ARHGAP9: variants seen among roughly 807,000 people sequenced by gnomAD.
ARHGAP9 encodes the protein rho GTPase-activating protein 9.
ARHGAP9 carries 76 observed loss-of-function variants against 87.3 expected under a neutral mutation model. That is an observed-to-expected ratio of 0.87 (90% CI 0.72 to 1.05). The LOEUF (loss-of-function observed/expected upper bound fraction) is 1.05. Among genes scored for constraint, ARHGAP9 ranks in the 50% least tolerant of loss-of-function variants. ARHGAP9 has a pLI of 0.00. For synonymous variants in ARHGAP9, 382 were observed against 394.9 expected (o/e 0.97, Z 0.39); for missense variants, 941 against 960.5 (o/e 0.98, Z 0.27).
rs763528071 is a variant in ARHGAP9, at chr12:57,476,853, A to G, written c.963+18T>C. On this transcript the variant is annotated intron_variant, in intron 6 of 17. Transcript: ENST00000393791. ...GGCAGGGAGGATCTTGGCCTTCACA[A>G]AGAAATGGGAGATTCACATGGGGGT... 5.6e-6 allele frequency: 9 copies of G among 1,610,632 alleles called. No individual in the cohort carries two copies. Among genetic ancestry groups the G allele is most frequent in the South Asian group, 2.2e-5 (2 of 90,994 alleles).
Position 57,476,398 on chromosome 12 carries a change from C to G in ARHGAP9, c.1082G>C (p.Arg361Pro). The change falls in exon 8 of 18, where the codon CGA becomes CCA. Residue 361 changes from arginine (R) to proline (P), a missense_variant. Transcript: ENST00000393791. The part of the protein sequence containing the change: ...VLTGNSLVFY[R>P]EPPPTAPSSG... Reference sequence around the variant, plus strand: ...GGAGGGCGCTGTCGGCGGTGGCTCTCGGTAGAACACCAGGCTGTTACCCGT... The same window carrying G: ...GGAGGGCGCTGTCGGCGGTGGCTCTGGGTAGAACACCAGGCTGTTACCCGT... 1 of 1,614,062 alleles carries G rather than the reference C, an allele frequency of 6.2e-7. No individual in the cohort carries two copies.
At chr12:57,482,253 T>C (rs192891880), upstream of ARHGAP9, among the ~76,000 whole-genome samples, 2 of 152,028 alleles carry the variant, frequency 1.3e-5, no homozygotes, top group East Asian at 3.9e-4. Context: ...AATTTTTTTT[T>C]TTTTTGAGTC....
chr12:57,480,055 G>A, upstream of ARHGAP9: 1 of 985,356 alleles, frequency 1.0e-6, no homozygotes, highest in Non-Finnish European at 1.2e-6. Context: ...AAACACAGAG[G>A]GATTCAGAGT....
intron 2 of ARHGAP9, 37 bp from the exon 3 acceptor site, chr12:57,478,794 T>C: frequency 1.3e-6 from 2 of 1,566,286 alleles, no homozygotes; most frequent in Non-Finnish European, 1.7e-6. Flanking sequence ...TGGCAGGTGA[T>C]CAGAGGTGTT....
Position 57,475,406 on chromosome 12 carries a change from A to G in ARHGAP9, c.1445-8T>C. 6.3e-7 allele frequency: 1 copy of G among 1,589,364 alleles called. No individual in the cohort carries two copies. Among genetic ancestry groups the G allele is most frequent in the East Asian group, 2.3e-5 (1 of 44,038 alleles). On this transcript the variant is annotated splice_region_variant and splice_polypyrimidine_tract_variant and intron_variant, in intron 11 of 17. Transcript: ENST00000393791. ...TGCCTTCGGGCCCCCGAACTGCAGG[A>G]GGCAGGTAGAGCGGGGCGTGAGCGC...
intron 1 of ARHGAP9, chr12:57,488,005 C>T: frequency 8.8e-7 from 1 of 1,130,032 alleles, no homozygotes; most frequent in Non-Finnish European, 1.3e-6. Context: ...ATACGGAACT[C>T]CATTTCCCGG....
At chr12:57,476,310 CG>C in intron 8 of ARHGAP9, 53 bp downstream of exon 8, 2 of 1,590,480 alleles carry the variant, frequency 1.3e-6, no homozygotes, top group Non-Finnish European at 1.7e-6. Flanking sequence ...CCCACATTGG[CG>C]TGAGGCGGTA....
chr12:57,481,630 G>A (rs75975041), upstream of ARHGAP9, among the ~76,000 whole-genome samples: 24 of 151,846 alleles, frequency 1.6e-4, no homozygotes, highest in Admixed American at 6.6e-5. Context: ...CCCTCACTCC[G>A]CCACCTTTTC....
chr12:57,473,766 A>G, intron 16 of ARHGAP9, 58 bp from the exon 17 acceptor site: 3 of 1,459,538 alleles, frequency 2.1e-6, no homozygotes, highest in Non-Finnish European at 1.9e-6. Context: ...CTAGGACAGG[A>G]TGGGTAAATG....
chr12:57,482,426 C>T (rs1409030119), upstream of ARHGAP9, among the ~76,000 whole-genome samples: 1 of 152,074 alleles, frequency 6.6e-6, no homozygotes, highest in South Asian at 2.1e-4. Flanking sequence ...ATTTTTAATA[C>T]AGACGGGGTT....
chr12:57,482,726 T>G (rs1051502921), upstream of ARHGAP9, among the ~76,000 whole-genome samples: 2 of 152,128 alleles, frequency 1.3e-5, no homozygotes, highest in Middle Eastern at 6.8e-3. Flanking sequence ...ATAAAATAAT[T>G]TAATAAATAT....
At chr12:57,476,544 C>T (rs1338329633) in intron 7 of ARHGAP9, 46 bp downstream of exon 7, 2 of 1,613,414 alleles carry the variant, frequency 1.2e-6, no homozygotes, top group African/African-American at 2.7e-5. Flanking sequence ...CTGCTCTACC[C>T]TATGGAGTTG....
At chr12:57,480,945 CCTCAGTGATCTT>C, upstream of ARHGAP9, 1 of 977,302 alleles carries the variant, frequency 1.0e-6, no homozygotes. Flanking sequence ...TGGGCTTCTG[CCTCAGTGATCTT>C]CCTAGTTTAC....
In ARHGAP9 at chr12:57,474,072, G is replaced by A; in HGVS notation, c.1888C>T (p.Leu630=). Residue 630 remains leucine (L), a synonymous_variant, in exon 16 of 18, where the codon CTG becomes TTG. Transcript: ENST00000393791. ...GCAGCACGGAAATGGGGCAGCAGCA[G>A]TGGTGGCACCAGAGGCTGGGGCAGC... ...RELPQPLVPP[L]LLPHFRAALA... 1.9e-6 allele frequency: 3 copies of A among 1,614,134 alleles called. No individual in the cohort carries two copies. Among genetic ancestry groups the A allele is most frequent in the Non-Finnish European group, 2.5e-6 (3 of 1,179,996 alleles).
At chr12:57,488,036 G>T in intron 1 of ARHGAP9, 1 of 1,503,698 alleles carries the variant, frequency 6.7e-7, no homozygotes. Context: ...GGAGGCCGCT[G>T]AACTCAGAAG....
At chr12:57,481,473 G>A (rs968055719), upstream of ARHGAP9, among the ~76,000 whole-genome samples, 1 of 151,808 alleles carries the variant, frequency 6.6e-6, no homozygotes, top group African/African-American at 2.4e-5. Context: ...GGCTGGTCTC[G>A]AACTCCTGAC....
chr12:57,486,410 C>T (rs1943015776), intron 1 of ARHGAP9, among the ~76,000 whole-genome samples: 1 of 151,772 alleles, frequency 6.6e-6, no homozygotes, highest in Non-Finnish European at 1.5e-5. Context: ...GCTGGGATGA[C>T]AGGCGTGCAC....
chr12:57,479,828 A>G lies in ARHGAP9; in HGVS notation c.-117T>C, dbSNP rs1362093106. 6.6e-7 allele frequency: 1 copy of G among 1,522,616 alleles called. No homozygotes were observed. Among genetic ancestry groups the G allele is most frequent in the South Asian group, 1.2e-5 (1 of 80,738 alleles). The allele number at this position is 1,522,616 out of a possible 1,614,324, so 94.3% of individuals were successfully genotyped here. A position where few individuals can be genotyped will look rare whatever the true frequency, so the allele number is the denominator to read the frequency against. On this transcript the variant is annotated 5_prime_UTR_variant, in exon 1 of 18. Coordinates refer to ENST00000393791, the MANE Select transcript of ARHGAP9 (RefSeq NM_032496.4). ...AGGAAGGAGATAAGAAGAAAGAATC[A>G]GGTTCAAGACAGAAACAGGGAGACA...
At chr12:57,487,513 T>C (rs1875518758) in intron 1 of ARHGAP9, 1 of 152,376 alleles carries the variant, frequency 6.6e-6, no homozygotes, top group Non-Finnish European at 1.5e-5. Flanking sequence ...AAGTGCGACT[T>C]GCCCTAAAAC....
Sources: allele counts gnomAD v4.1 joint callset (sites outside exome capture counted in the v4.1 genomes callset), GRCh38; gene constraint gnomAD v4.1.1; transcripts MANE v1.5; gene names NCBI Gene and HGNC (gene_info 2026-07-23, HGNC 2026-07-21).